CADM2: variants seen among roughly 807,000 people sequenced by gnomAD.
CADM2 encodes the protein cell adhesion molecule 2, also known as immunoglobulin superfamily member 4D.
CADM2 carries 12 observed loss-of-function variants against 49.8 expected under a neutral mutation model. That is an observed-to-expected ratio of 0.24 (90% CI 0.15 to 0.39). The LOEUF (loss-of-function observed/expected upper bound fraction) is 0.39, where lower values mean the gene tolerates loss of function less well. CADM2 is among the 10% of genes least tolerant of loss of function. The pLI is 1.00. For missense variants in CADM2, 378 were observed against 492.3 expected (o/e 0.77, Z 2.20); for synonymous variants, 214 against 175.4 (o/e 1.22, Z -1.74).
At chr3:85,501,102 T>C (rs569029383) in intron 1 of CADM2, among the ~76,000 whole-genome samples, 59 of 152,302 alleles carry the variant, frequency 3.9e-4, no homozygotes, top group Non-Finnish European at 4.3e-4. Flanking sequence ...CAACCAAAAA[T>C]CTGAAGTACT....
chr3:85,506,099 A>G (rs1454123872), intron 1 of CADM2, among the ~76,000 whole-genome samples: 1 of 152,220 alleles, frequency 6.6e-6, no homozygotes, highest in Non-Finnish European at 1.5e-5. Flanking sequence ...CAGGGTGTAC[A>G]GAGGAGTAAA....
chr3:85,212,896 CTTTTAATGGAG>C (rs1341340641), intron 1 of CADM2, among the ~76,000 whole-genome samples: 19 of 117,734 alleles, frequency 1.6e-4, no homozygotes, highest in Admixed American at 5.9e-4. Flanking sequence ...CTCTTTCTTT[CTTTTAATGGAG>C]TCTCACACTG....
At chr3:85,154,594 C>T (rs2040042313) in intron 1 of CADM2, among the ~76,000 whole-genome samples, 1 of 151,616 alleles carries the variant, frequency 6.6e-6, no homozygotes, top group African/African-American at 2.4e-5. Flanking sequence ...GAGAACCCCA[C>T]AAAGATACTC....
chr3:85,701,887 A>T (rs2066769094), intron 1 of CADM2, among the ~76,000 whole-genome samples: 1 of 151,566 alleles, frequency 6.6e-6, no homozygotes, highest in Admixed American at 6.6e-5. Context: ...ATAGATAGAT[A>T]GATAGATAGA....
At chr3:85,191,726 AGCTGGG>A (rs1039232720) in intron 1 of CADM2, among the ~76,000 whole-genome samples, 1 of 152,178 alleles carries the variant, frequency 6.6e-6, no homozygotes, top group Non-Finnish European at 1.5e-5. Flanking sequence ...TCCATCTGAC[AGCTGGG>A]GCACAAATCA....
At chr3:85,157,212 A>G (rs2040158643) in intron 1 of CADM2, among the ~76,000 whole-genome samples, 1 of 152,122 alleles carries the variant, frequency 6.6e-6, no homozygotes, top group South Asian at 2.1e-4. Flanking sequence ...ATGGAAGTAC[A>G]TTCCATGCTC....
chr3:85,836,927 T>C (rs12495178), intron 3 of CADM2, among the ~76,000 whole-genome samples: 53,529 of 151,356 alleles, frequency 0.35, 9,958 homozygotes, highest in East Asian at 0.57. Flanking sequence ...AGGTGGCTTC[T>C]AATTCACCAT....
At chr3:85,883,973 T>A (rs1289782260) in intron 4 of CADM2, among the ~76,000 whole-genome samples, 1 of 152,224 alleles carries the variant, frequency 6.6e-6, no homozygotes, top group Non-Finnish European at 1.5e-5. Context: ...AAATTATATT[T>A]TCTAGATTCC....
chr3:85,518,857 G>T (rs34973382), intron 1 of CADM2, among the ~76,000 whole-genome samples: 2 of 152,020 alleles, frequency 1.3e-5, no homozygotes, highest in Non-Finnish European at 2.9e-5. Context: ...CCTCGGCAAA[G>T]ATTTTTTTCT....
At chr3:86,015,204 A>G (rs1044259365) in intron 8 of CADM2, 4 of 327,216 alleles carry the variant, frequency 1.2e-5, no homozygotes, top group Non-Finnish European at 2.2e-5. Context: ...TAATCACTAA[A>G]TGTCTTTGCC....
Position 85,255,289 on chromosome 3 carries a change from T to G in CADM2, c.61+295621T>G, listed in dbSNP as rs181746176. Among the ~76,000 whole-genome samples the G allele has an allele frequency of 1.8e-3, 274 of 152,152 alleles. 1 individual carries two copies. Among genetic ancestry groups the G allele is most frequent in the African/African-American group, 6.3e-3 (263 of 41,542 alleles). ...GGGTCCATAGCCTACAGGGTTGTCA[T>G]TAGCCCAAGGATATCTTTAAATACC... On this transcript the variant is annotated intron_variant, in intron 1 of 9. Coordinates refer to ENST00000383699, the MANE Select transcript of CADM2 (RefSeq NM_001167675.2).
intron 1 of CADM2, among the ~76,000 whole-genome samples, chr3:85,412,690 A>G (rs542430836): frequency 6.6e-6 from 1 of 152,252 alleles, no homozygotes; most frequent in South Asian, 2.1e-4. Context: ...TCCTATTGAA[A>G]ATAAAACAAA....
intron 1 of CADM2, among the ~76,000 whole-genome samples, chr3:85,219,855 A>G (rs1223528870): frequency 6.6e-6 from 1 of 152,144 alleles, no homozygotes; most frequent in Non-Finnish European, 1.5e-5. Context: ...TTATAATGGT[A>G]GAGACATGAT....
intron 7 of CADM2, among the ~76,000 whole-genome samples, chr3:85,946,818 C>A (rs552152591): frequency 2.6e-5 from 4 of 151,888 alleles, no homozygotes; most frequent in Non-Finnish European, 2.9e-5. Flanking sequence ...AAGACTTAAA[C>A]GTTAGACCTA....
chr3:85,457,621 A>G (rs2038053692), intron 1 of CADM2, among the ~76,000 whole-genome samples: 1 of 152,110 alleles, frequency 6.6e-6, no homozygotes, highest in African/African-American at 2.4e-5. Flanking sequence ...TAAATATATT[A>G]TCAAATCAAC....
chr3:85,514,619 G>T (rs1195477947), intron 1 of CADM2, among the ~76,000 whole-genome samples: 3 of 152,028 alleles, frequency 2.0e-5, no homozygotes, highest in Admixed American at 6.6e-5. Context: ...CTCTTATTCA[G>T]TGTTAACAAT....
chr3:85,990,042 A>AAAAG (rs1436572625), intron 8 of CADM2, among the ~76,000 whole-genome samples: 4 of 108,088 alleles, frequency 3.7e-5, no homozygotes, highest in Admixed American at 1.2e-4. Flanking sequence ...AAAAAAAAAA[A>AAAAG]AAGAAGACTA....
chr3:85,582,406 G>A (rs967796507), intron 1 of CADM2, among the ~76,000 whole-genome samples: 1 of 152,144 alleles, frequency 6.6e-6, no homozygotes, highest in Non-Finnish European at 1.5e-5. Flanking sequence ...CTTGTTAAAC[G>A]AGATTTTTAG....
chr3:85,025,159 A>C (rs2034671820), intron 1 of CADM2, among the ~76,000 whole-genome samples: 1 of 152,136 alleles, frequency 6.6e-6, no homozygotes, highest in Admixed American at 6.5e-5. Flanking sequence ...GTGATCTGTA[A>C]AACCATGAGG....
Sources: gnomAD v4.1 joint callset for allele counts (sites outside exome capture counted in the v4.1 genomes callset) on GRCh38, gnomAD v4.1.1 for gene constraint, MANE v1.5 for transcripts, NCBI Gene and HGNC (gene_info 2026-07-23, HGNC 2026-07-21) for gene names.